The following PPP6R3 variants were observed in gnomAD, a reference collection of about 807,000 sequenced individuals.
The protein encoded by PPP6R3 is protein phosphatase 6 regulatory subunit 3.
PPP6R3 carries 38 observed loss-of-function variants against 110.7 expected under a neutral mutation model. The ratio of observed to expected loss-of-function variants is 0.34; its 90% CI spans 0.26 to 0.45. The LOEUF is 0.45. Among genes scored for constraint, PPP6R3 ranks in the 20% least tolerant of loss-of-function variants. The probability of loss-of-function intolerance (pLI) is 1.00; values close to 1 mark genes in which losing one functional copy is unlikely to be tolerated. For synonymous variants in PPP6R3, 369 were observed against 373.5 expected (o/e 0.99, Z 0.14); for missense variants, 870 against 1,062.4 (o/e 0.82, Z 2.52).
intron 22 of PPP6R3, 56 bp downstream of exon 22, chr11:68,603,548 C>T (rs1268842473): frequency 6.2e-7 from 1 of 1,601,278 alleles, no homozygotes; most frequent in Non-Finnish European, 8.5e-7. Flanking sequence ...GATGGTGGGG[C>T]AGAAACCTCA....
chr11:68,582,880 C>CTT (rs1342992935), intron 14 of PPP6R3, among the ~76,000 whole-genome samples, 163 bp from the exon 15 acceptor site: 2 of 152,198 alleles, frequency 1.3e-5, no homozygotes, highest in Non-Finnish European at 2.9e-5. Context: ...GAAGGGTGCC[C>CTT]TTGACACATT....
chr11:68,609,995 A>G lies in PPP6R3; in HGVS notation c.2542A>G (p.Arg848Gly), dbSNP rs937273483. The change falls in exon 23 of 24, where the codon AGG (arginine) becomes GGG (glycine). Residue 848 changes from arginine (R) to glycine (G), a missense_variant. Arg to Gly is a moderately radical substitution (Grantham distance 125, BLOSUM62 -2). Transcript: ENST00000393800. The stretch of plus-strand genomic sequence containing the variant: ...TGCAGAGGCGAAGTGCGCGGCGCCC[A>G]GGCCTCCCAGCAGCAGTCCCGAGCA... ...ETAEAKCAAP[R>G]PPSSSPEQRT... The G allele has an allele frequency of 1.7e-5, 27 of 1,613,952 alleles. No homozygotes were observed. In the East Asian group the frequency reaches 3.1e-4, roughly 19 times the overall value.
chr11:68,516,995 C>T (rs543432189), intron 1 of PPP6R3, among the ~76,000 whole-genome samples: 53 of 151,890 alleles, frequency 3.5e-4, no homozygotes, highest in African/African-American at 1.3e-3. Context: ...CTAGGCTCTT[C>T]TTTGTGCCAG....
At chr11:68,579,685 C>G (rs1274637755) in intron 14 of PPP6R3, among the ~76,000 whole-genome samples, 3 of 152,214 alleles carry the variant, frequency 2.0e-5, no homozygotes, top group Admixed American at 1.3e-4. Flanking sequence ...CAGTCATGCA[C>G]TGCATAATGT....
At chr11:68,473,209 AC>A (rs1279531515) in intron 1 of PPP6R3, among the ~76,000 whole-genome samples, 1 of 152,160 alleles carries the variant, frequency 6.6e-6, no homozygotes, top group Non-Finnish European at 1.5e-5. Context: ...TTTCAGCTCC[AC>A]CTCCAGCCTT....
intron 16 of PPP6R3, among the ~76,000 whole-genome samples, chr11:68,588,606 C>G (rs994186185): frequency 1.3e-5 from 2 of 151,558 alleles, no homozygotes; most frequent in African/African-American, 2.4e-5. Flanking sequence ...TACAGGTACC[C>G]GCCACCGCAC....
chr11:68,489,087 C>T (rs894226088), intron 1 of PPP6R3, among the ~76,000 whole-genome samples: 2 of 147,806 alleles, frequency 1.4e-5, no homozygotes, highest in East Asian at 2.0e-4. Context: ...GGTGTGATCT[C>T]GGCTCACTAC....
chr11:68,466,420 G>A (rs945041690), intron 1 of PPP6R3, among the ~76,000 whole-genome samples: 2 of 151,300 alleles, frequency 1.3e-5, no homozygotes, highest in African/African-American at 4.9e-5. Flanking sequence ...TCTATGCCTA[G>A]CTAGGACATT....
intron 12 of PPP6R3, 95 bp downstream of exon 12, chr11:68,571,199 T>C (rs2099504314): frequency 1.4e-6 from 2 of 1,441,726 alleles, no homozygotes; most frequent in African/African-American, 2.9e-5. Flanking sequence ...ATGGAAATAA[T>C]TACATGATAC....
intron 2 of PPP6R3, among the ~76,000 whole-genome samples, chr11:68,532,924 G>A (rs1038287129): frequency 6.6e-6 from 1 of 152,218 alleles, no homozygotes; most frequent in Non-Finnish European, 1.5e-5. Flanking sequence ...TTTGCACAAC[G>A]ACGAAGTCAC....
At chr11:68,489,289 T>G (rs1268255697) in intron 1 of PPP6R3, among the ~76,000 whole-genome samples, 1 of 152,194 alleles carries the variant, frequency 6.6e-6, no homozygotes, top group Admixed American at 6.5e-5. Flanking sequence ...AAATATTTTT[T>G]TGTTTGTGCT....
At chr11:68,519,989 G>C (rs574416989) in intron 2 of PPP6R3, among the ~76,000 whole-genome samples, 1 of 152,324 alleles carries the variant, frequency 6.6e-6, no homozygotes, top group Admixed American at 6.5e-5. Flanking sequence ...AGGGCACCGG[G>C]ACTCTGTCTG....
At position 68,549,336 on chromosome 11, in the gene PPP6R3, A is replaced by AG. The variant is rs530311300; in HGVS notation, c.552+1134dup. Among the ~76,000 whole-genome samples, 20 of 152,336 alleles carry AG rather than the reference A, an allele frequency of 1.3e-4. No individual in the cohort carries two copies. The East Asian group carries it at 3.3e-3, about 25-fold the overall frequency. ...ATGCTAATTGTTATTTAAGACCTCA[A>AG]GGACTAGGAGGGCCTATGAGGAGGA... On this transcript the variant is annotated intron_variant, in intron 5 of 23. Coordinates refer to ENST00000393800, the MANE Select transcript of PPP6R3 (RefSeq NM_001164161.2).
intron 1 of PPP6R3, among the ~76,000 whole-genome samples, chr11:68,477,448 C>T (rs1166199891): frequency 6.6e-6 from 1 of 151,920 alleles, no homozygotes; most frequent in Non-Finnish European, 1.5e-5. Flanking sequence ...CATCCAGGTG[C>T]AGTGACTTAT....
chr11:68,544,815 A>G (rs1349962293), intron 3 of PPP6R3, 23 bp from the exon 4 acceptor site: 40 of 1,491,670 alleles, frequency 2.7e-5, no homozygotes, highest in Non-Finnish European at 3.5e-5. Flanking sequence ...AAAGATGATG[A>G]TGTAAATATC....
chr11:68,551,058 C>A, intron 5 of PPP6R3, 63 bp from the exon 6 acceptor site: 1 of 1,124,544 alleles, frequency 8.9e-7, no homozygotes, highest in Non-Finnish European at 1.3e-6. Context: ...GTATGTTAAT[C>A]TACATTGGGG....
chr11:68,564,558 A>T (rs1308705779), intron 9 of PPP6R3, 126 bp downstream of exon 9: 1 of 1,024,906 alleles, frequency 9.8e-7, no homozygotes, highest in East Asian at 2.6e-5. Context: ...GAGTGAAAAG[A>T]TAACACTGCC....
intron 2 of PPP6R3, among the ~76,000 whole-genome samples, chr11:68,530,371 A>T (rs781282519): frequency 2.6e-5 from 4 of 152,108 alleles, no homozygotes; most frequent in Non-Finnish European, 4.4e-5. Context: ...TTTTCTTTGT[A>T]GTGTTCTGTT....
At chr11:68,483,263 A>G (rs1421281838) in intron 1 of PPP6R3, among the ~76,000 whole-genome samples, 2 of 152,256 alleles carry the variant, frequency 1.3e-5, no homozygotes, top group African/African-American at 2.4e-5. Context: ...TAAATGACCA[A>G]TTATTTAGCA....
Sources: allele counts gnomAD v4.1 joint callset (sites outside exome capture counted in the v4.1 genomes callset), GRCh38; gene constraint gnomAD v4.1.1; transcripts MANE v1.5; gene names NCBI Gene and HGNC (gene_info 2026-07-23, HGNC 2026-07-21).